KCNIP4: variants seen among roughly 807,000 people sequenced by gnomAD.
KCNIP4 encodes the protein Kv channel-interacting protein 4.
KCNIP4 carries 12 observed loss-of-function variants against 34.0 expected under a neutral mutation model. The observed-to-expected ratio is 0.35, with a 90% CI of 0.23 to 0.57. The LOEUF is 0.57. Among genes scored for constraint, KCNIP4 ranks in the 20% least tolerant of loss-of-function variants. KCNIP4 has a pLI of 0.83. For missense variants in KCNIP4, 238 were observed against 311.7 expected (o/e 0.76, Z 1.78); for synonymous variants, 124 against 102.2 (o/e 1.21, Z -1.29).
chr4:21,610,529 G>A (rs1197173102), intron 1 of KCNIP4, among the ~76,000 whole-genome samples: 1 of 151,980 alleles, frequency 6.6e-6, no homozygotes, highest in African/African-American at 2.4e-5. Flanking sequence ...TTTTTGTGAG[G>A]GAGGATGACA....
chr4:21,776,903 C>T (rs1271027148), intron 1 of KCNIP4, among the ~76,000 whole-genome samples: 2 of 152,114 alleles, frequency 1.3e-5, no homozygotes, highest in Non-Finnish European at 2.9e-5. Context: ...GCTGGGATTA[C>T]AGGCATCCAC....
intron 2 of KCNIP4, among the ~76,000 whole-genome samples, chr4:20,850,995 C>T (rs544194456): frequency 6.6e-6 from 1 of 151,042 alleles, no homozygotes; most frequent in Admixed American, 6.7e-5. Context: ...GTTTAAGTAG[C>T]AATATATATT....
At chr4:20,822,195 C>A (rs1214968421) in intron 3 of KCNIP4, among the ~76,000 whole-genome samples, 1 of 152,026 alleles carries the variant, frequency 6.6e-6, no homozygotes, top group Non-Finnish European at 1.5e-5. Flanking sequence ...CCAGAATCTA[C>A]AAGAAACTCA....
At chr4:21,072,484 G>A (rs62293804) in intron 1 of KCNIP4, among the ~76,000 whole-genome samples, 1 of 150,174 alleles carries the variant, frequency 6.7e-6, no homozygotes, top group South Asian at 2.1e-4. Context: ...TCTTTTTGAT[G>A]GGGTTTTTTT....
chr4:20,970,098 C>A (rs185060932), intron 1 of KCNIP4, among the ~76,000 whole-genome samples: 256 of 152,098 alleles, frequency 1.7e-3, no homozygotes, highest in African/African-American at 5.9e-3. Flanking sequence ...CCCGCCACCA[C>A]GCCCGGCTAA....
At chr4:21,208,440 T>C (rs1267704313) in intron 1 of KCNIP4, among the ~76,000 whole-genome samples, 4 of 152,138 alleles carry the variant, frequency 2.6e-5, no homozygotes, top group South Asian at 2.1e-4. Flanking sequence ...GCAGACAAAA[T>C]AGTCTCTTCA....
chr4:21,614,933 C>T (rs1383499835), intron 1 of KCNIP4, among the ~76,000 whole-genome samples: 4 of 152,116 alleles, frequency 2.6e-5, no homozygotes, highest in African/African-American at 7.2e-5. Context: ...CCGTCTGAAG[C>T]CATCCTGCAA....
At chr4:21,934,081 C>T (rs1279873661) in intron 1 of KCNIP4, among the ~76,000 whole-genome samples, 3 of 152,018 alleles carry the variant, frequency 2.0e-5, no homozygotes, top group Non-Finnish European at 2.9e-5. Flanking sequence ...TAGCAAGATT[C>T]CCTGTGCCCA....
At chr4:20,767,790 G>C (rs1755539385) in intron 3 of KCNIP4, among the ~76,000 whole-genome samples, 1 of 151,460 alleles carries the variant, frequency 6.6e-6, no homozygotes. Flanking sequence ...ACTTCTTCAG[G>C]ATTAAAAAAA....
intron 1 of KCNIP4, among the ~76,000 whole-genome samples, chr4:21,677,683 C>T (rs753497956): frequency 6.6e-6 from 1 of 152,186 alleles, no homozygotes; most frequent in Non-Finnish European, 1.5e-5. Flanking sequence ...ATCAGCAATG[C>T]TTTCTAACTC....
chr4:20,877,439 A>C (rs1312783959), intron 2 of KCNIP4, among the ~76,000 whole-genome samples: 2 of 152,098 alleles, frequency 1.3e-5, no homozygotes, highest in Non-Finnish European at 2.9e-5. Flanking sequence ...CTGATACTGA[A>C]TCATAGAATT....
At chr4:21,484,670 A>G (rs17525063) in intron 1 of KCNIP4, among the ~76,000 whole-genome samples, 19,015 of 152,062 alleles carry the variant, frequency 0.13, 1,358 homozygotes, top group South Asian at 0.21. Context: ...CATTGTTTAT[A>G]TGTTTAGCAT....
intron 1 of KCNIP4, among the ~76,000 whole-genome samples, chr4:21,399,798 A>G (rs1560368226): frequency 6.6e-6 from 1 of 152,212 alleles, no homozygotes; most frequent in East Asian, 1.9e-4. Flanking sequence ...CGGTATAAAC[A>G]TTTCCTATGC....
chr4:20,905,365 T>C (rs937047446), intron 1 of KCNIP4, among the ~76,000 whole-genome samples: 1 of 152,172 alleles, frequency 6.6e-6, no homozygotes, highest in Non-Finnish European at 1.5e-5. Flanking sequence ...TTATTTTAAC[T>C]TTAATGAGTA....
chr4:21,639,433 T>C (rs954976410), intron 1 of KCNIP4, among the ~76,000 whole-genome samples: 3 of 152,184 alleles, frequency 2.0e-5, no homozygotes, highest in African/African-American at 4.8e-5. Flanking sequence ...TCAATCTTTG[T>C]CATTAAATAA....
intron 1 of KCNIP4, among the ~76,000 whole-genome samples, chr4:21,689,033 A>G (rs1006423068): frequency 6.6e-6 from 1 of 152,016 alleles, no homozygotes; most frequent in Non-Finnish European, 1.5e-5. Flanking sequence ...TAACTGCTTC[A>G]TATTTATTTG....
At chr4:21,225,129 C>A (rs1758284381) in intron 1 of KCNIP4, among the ~76,000 whole-genome samples, 1 of 152,116 alleles carries the variant, frequency 6.6e-6, no homozygotes, top group Non-Finnish European at 1.5e-5. Context: ...TTTCAATTCA[C>A]AACAGGTTTT....
intron 1 of KCNIP4, among the ~76,000 whole-genome samples, chr4:21,105,910 A>G (rs1260128257): frequency 1.3e-5 from 2 of 151,468 alleles, no homozygotes; most frequent in East Asian, 3.9e-4. Flanking sequence ...ATTGATTTGC[A>G]TATATTGAAC....
At position 21,006,318 on chromosome 4, in the gene KCNIP4, G is replaced by C. The variant is rs1302566741; in HGVS notation, c.62-123609C>G. 2.0e-5 allele frequency among the ~76,000 whole-genome samples: 3 copies of C among 152,184 alleles called. No individual in the cohort carries two copies. The East Asian group carries it at 5.8e-4, about 29-fold the overall frequency. ...AATAAAACAGGGTAAGGTAATAGAG[G>C]CAGATTGGGGAGTTGCTTCTTGCTG... On this transcript the variant is annotated intron_variant, in intron 1 of 8. Coordinates refer to ENST00000382152, the MANE Select transcript of KCNIP4 (RefSeq NM_025221.6).
Sources: allele counts gnomAD v4.1 joint callset (sites outside exome capture counted in the v4.1 genomes callset), GRCh38; gene constraint gnomAD v4.1.1; transcripts MANE v1.5; gene names NCBI Gene and HGNC (gene_info 2026-07-23, HGNC 2026-07-21).